The following CIITA variants were observed in gnomAD, a reference collection of about 807,000 sequenced individuals.
CIITA encodes MHC class II transactivator.
CIITA carries 72 observed loss-of-function variants against 115.1 expected under a neutral mutation model. That is an observed-to-expected ratio of 0.63 (90% CI 0.52 to 0.76). The LOEUF (loss-of-function observed/expected upper bound fraction) is 0.76, where lower values mean the gene tolerates loss of function less well. Ranked by LOEUF, CIITA falls within the 30% of genes least tolerant of loss-of-function variation. The probability of loss-of-function intolerance (pLI) is 0.00; values close to 1 mark genes in which losing one functional copy is unlikely to be tolerated. For missense variants in CIITA, 1,617 were observed against 1,463.8 expected, an observed-to-expected ratio of 1.10 and a Z score of -1.71; for synonymous variants, 763 against 635.6, an observed-to-expected ratio of 1.20 and a Z score of -3.02.
At chr16:10,913,045 C>A (rs1185236191) in intron 13 of CIITA, among the ~76,000 whole-genome samples, 1 of 152,252 alleles carries the variant, frequency 6.6e-6, no homozygotes, top group South Asian at 2.1e-4. Flanking sequence ...TCACCCTTAT[C>A]TCCTACACTC....
Position 10,907,979 on chromosome 16 carries a change from C to T in CIITA, c.2487C>T (p.Leu829=). ...AGIWQHVVQE[L]PGRLSFLGTR... Reference sequence around the variant, plus strand: ...TTTGGCAGCACGTGGTACAGGAGCTCCCCGGCCGCCTCTCTTTTCTGGGCA... The same window carrying T: ...TTTGGCAGCACGTGGTACAGGAGCTTCCCGGCCGCCTCTCTTTTCTGGGCA... The change falls in exon 11 of 20, where the codon CTC becomes CTT. Residue 829 remains leucine, a synonymous_variant. Transcript: ENST00000324288. This position sits in a 1 kb window ranked among gnomAD's most constrained non-coding sequence, Gnocchi z 5.0. 1 of 1,583,582 alleles carries T rather than the reference C, an allele frequency of 6.3e-7. No individual in the cohort carries two copies. Among genetic ancestry groups the T allele is most frequent in the East Asian group, 2.2e-5 (1 of 44,516 alleles).
intron 3 of CIITA, among the ~76,000 whole-genome samples, chr16:10,898,091 C>T (rs1429168096): frequency 6.6e-6 from 1 of 152,168 alleles, no homozygotes; most frequent in Admixed American, 6.5e-5. Flanking sequence ...GGAAGCCTTC[C>T]CTGATTGCCC....
rs371851599 is a variant in CIITA at position 10,889,172 on chromosome 16, C to CG, written c.53-6107dup. Among the ~76,000 whole-genome samples the CG allele has an allele frequency of 2.1e-3, 318 of 152,272 alleles. 2 individuals carry two copies. Among genetic ancestry groups the CG allele is most frequent in the African/African-American group, 7.5e-3 (312 of 41,552 alleles). On this transcript the variant is annotated intron_variant, in intron 1 of 19. Coordinates refer to ENST00000324288, the MANE Select transcript of CIITA (RefSeq NM_000246.4). ...AGCTGAAGGGCTCTCTCTCCTGCCA[C>CG]GGGATGATCAGGGCCATCTTTTCCC...
At chr16:10,874,823 A>C (rs1249245018), upstream of CIITA, among the ~76,000 whole-genome samples, 2 of 152,124 alleles carry the variant, frequency 1.3e-5, no homozygotes, top group Non-Finnish European at 2.9e-5. Context: ...CATCGGTCTG[A>C]GGGTGGGATG....
At chr16:10,908,259 G>C (rs1567424374) in intron 11 of CIITA, 110 bp downstream of exon 11, 1 of 1,307,794 alleles carries the variant, frequency 7.6e-7, no homozygotes, top group Non-Finnish European at 1.1e-6. Flanking sequence ...GAGCAGCCGG[G>C]TGGGGCAGAA....
intron 1 of CIITA, among the ~76,000 whole-genome samples, chr16:10,885,177 CT>C (rs1225778551): frequency 6.6e-6 from 1 of 152,178 alleles, no homozygotes; most frequent in Non-Finnish European, 1.5e-5. Flanking sequence ...ACAAATAGGC[CT>C]ATCGACTGGA....
intron 3 of CIITA, among the ~76,000 whole-genome samples, chr16:10,897,727 G>C (rs2038275056): frequency 6.6e-6 from 1 of 152,144 alleles, no homozygotes; most frequent in Non-Finnish European, 1.5e-5. Context: ...AAAGCATTTA[G>C]AAAAGGAATT....
In CIITA at chr16:10,898,939, G is replaced by C. The variant is rs1422461877; in HGVS notation, c.373G>C (p.Asp125His). 2 of 1,614,030 alleles carry C rather than the reference G, an allele frequency of 1.2e-6. No homozygotes were observed. Among genetic ancestry groups the C allele is most frequent in the South Asian group, 2.2e-5 (2 of 91,070 alleles). The change falls in exon 5 of 20, where the codon GAT becomes CAT. Residue 125 changes from aspartate (D) to histidine (H), a missense_variant. Physicochemically the swap from Asp to His is moderately conservative, Grantham distance 81. Transcript: ENST00000324288. ...TCTCAAAGTAGAGCACATAGGACCA[G>C]ATGAAGTGATCGGTGAGAGTATGGA... ...SKDIFKHIGP[D>H]EVIGESMEMP...
intron 9 of CIITA, 141 bp from the exon 10 acceptor site, chr16:10,904,603 A>G: frequency 1.2e-6 from 1 of 807,570 alleles, no homozygotes. Context: ...TGAGTTAGAT[A>G]CAGCCTCAGG....
At position 10,929,576 on chromosome 16, in the gene CIITA, A is replaced by G. The variant is rs551087602; in HGVS notation, c.*5721A>G. Reference sequence around the variant, plus strand: ...GGAGCAGGTCTAACAAGAAGGAAAAAGGGGGGTTATTAGCACGGAAGCCCC... The same window carrying G: ...GGAGCAGGTCTAACAAGAAGGAAAAGGGGGGGTTATTAGCACGGAAGCCCC... On this transcript the variant is annotated 3_prime_UTR_variant, in exon 20 of 20. Coordinates refer to ENST00000324288, the MANE Select transcript of CIITA (RefSeq NM_000246.4). The surrounding 1 kb of genome is among the most constrained non-coding windows in gnomAD (Gnocchi z 4.3). 18 of 985,252 alleles carry G rather than the reference A, an allele frequency of 1.8e-5. No individual in the cohort carries two copies. In the East Asian group the frequency reaches 1.3e-3, roughly 68 times the overall value. 61.0% of individuals were successfully genotyped at this position (985,252 alleles called of 1,614,324 possible).
rs2040561015 is a variant in CIITA, at chr16:10,927,059, TCTC to T, written c.*3208_*3210del. On this transcript the variant is annotated 3_prime_UTR_variant, in exon 20 of 20. Transcript: ENST00000324288. ...TGCAAGCTAGTTCTCTGTGCCTCAG[TCTC>T]CTCATTTGTAAAATGGGCATAACCA... 6.6e-6 allele frequency: 1 copy of T among 152,232 alleles called. No individual in the cohort carries two copies. The highest frequency in any genetic ancestry group is 1.5e-5 in the Non-Finnish European group (1 of 68,036). 9.4% of individuals were successfully genotyped at this position (152,232 alleles called of 1,614,324 possible).
rs185097361 is a variant in CIITA at position 10,930,990 on chromosome 16, T to C, written c.*7135T>C. ...CAGAGATCTCCAAGGCCTGTGGTCA[T>C]CCTTGAGCCCATCTCAGATTTGTGT... On this transcript the variant is annotated 3_prime_UTR_variant, in exon 20 of 20. Transcript: ENST00000324288. 6.6e-6 allele frequency: 1 copy of C among 152,440 alleles called. No individual in the cohort carries two copies. Among genetic ancestry groups the C allele is most frequent in the African/African-American group, 2.4e-5 (1 of 41,586 alleles). 9.4% of individuals were successfully genotyped at this position (152,440 alleles called of 1,614,324 possible).
At chr16:10,911,054 G>C (rs1477936229) in intron 13 of CIITA, among the ~76,000 whole-genome samples, 1 of 152,184 alleles carries the variant, frequency 6.6e-6, no homozygotes, top group Non-Finnish European at 1.5e-5. Flanking sequence ...AGTGTTGCTG[G>C]GGTGACAGAA....
rs1349039727 is a variant in CIITA at position 10,931,885 on chromosome 16, TGTCTCAA to T, written c.*8031_*8037del. On this transcript the variant is annotated 3_prime_UTR_variant, in exon 20 of 20. Transcript: ENST00000324288. ...TAGCCTAGGTGACAGAGTGAGACTCTGTCTCAAAAAAACACAAAAGTTTCTCTTTTCA... is the reference window on the plus strand; with the variant it reads ...TAGCCTAGGTGACAGAGTGAGACTCTAAAAACACAAAAGTTTCTCTTTTCA... 6.6e-6 allele frequency: 1 copy of T among 152,204 alleles called. No individual in the cohort carries two copies. Among genetic ancestry groups the T allele is most frequent in the Non-Finnish European group, 1.5e-5 (1 of 68,034 alleles). The allele number at this position is 152,204 out of a possible 1,614,324, so 9.4% of individuals were successfully genotyped here.
At chr16:10,902,629 TC>T (rs1221542051) in intron 7 of CIITA, 28 bp from the exon 8 acceptor site, 15 of 1,614,012 alleles carry the variant, frequency 9.3e-6, no homozygotes, top group Non-Finnish European at 1.3e-5. Context: ...CTATGCAAGA[TC>T]CCACCTCACT....
At position 10,925,826 on chromosome 16, in the gene CIITA, A is replaced by T. The variant is rs1444055050; in HGVS notation, c.*1971A>T. 6.6e-6 allele frequency: 1 copy of T among 152,170 alleles called. No homozygotes were observed. The highest frequency in any genetic ancestry group is 1.5e-5 in the Non-Finnish European group (1 of 68,036). The allele number at this position is 152,170 out of a possible 1,614,324, so 9.4% of individuals were successfully genotyped here. On this transcript the variant is annotated 3_prime_UTR_variant, in exon 20 of 20. Coordinates refer to ENST00000324288, the MANE Select transcript of CIITA (RefSeq NM_000246.4). ...TCAGTGGAAAATTAATTGTTTGGGG[A>T]TGAGAAAGGTTGAAGCACCAAAAGC...
At chr16:10,880,291 G>C (rs565469338) in intron 1 of CIITA, among the ~76,000 whole-genome samples, 1 of 152,226 alleles carries the variant, frequency 6.6e-6, no homozygotes, top group South Asian at 2.1e-4. Flanking sequence ...CCCCAGGCCC[G>C]GTTGGCTAGG....
rs2040433499 is a variant in CIITA, at chr16:10,924,252, T to C, written c.*397T>C. ...GAGAAAGTACTTCTTTTTTTTTATT[T>C]TTAGACAGAGTCTCACTGTTGCCCA... is the stretch of plus-strand genomic sequence containing the variant. On this transcript the variant is annotated 3_prime_UTR_variant, in exon 20 of 20. Transcript: ENST00000324288. 1 of 152,346 alleles carries C rather than the reference T, an allele frequency of 6.6e-6. No individual in the cohort carries two copies. Among genetic ancestry groups the C allele is most frequent in the Non-Finnish European group, 1.5e-5 (1 of 68,162 alleles). The allele number at this position is 152,346 out of a possible 1,614,324, so 9.4% of individuals were successfully genotyped here.
intron 18 of CIITA, 112 bp downstream of exon 18, chr16:10,922,602 G>C: frequency 1.9e-6 from 2 of 1,061,372 alleles, no homozygotes; most frequent in Non-Finnish European, 2.9e-6. Flanking sequence ...TGCAACCCTG[G>C]GTGAGCAGAC....
Sources: allele counts gnomAD v4.1 joint callset (sites outside exome capture counted in the v4.1 genomes callset), GRCh38; gene constraint gnomAD v4.1.1; non-coding constraint Gnocchi (gnomAD v3.1); transcripts MANE v1.5; gene names NCBI Gene and HGNC (gene_info 2026-07-23, HGNC 2026-07-21).